The following TANGO6 variants were observed in gnomAD, a reference collection of about 807,000 sequenced individuals.
TANGO6 encodes transport and Golgi organization protein 6 homolog.
A neutral mutation model predicts 114.2 loss-of-function variants in TANGO6; 90 were observed. That is an observed-to-expected ratio of 0.79 (90% CI 0.66 to 0.94). The LOEUF is 0.94. TANGO6 is among the 40% of genes least tolerant of loss of function. TANGO6 has a pLI of 0.00. For missense variants in TANGO6, 1,274 were observed against 1,315.3 expected (o/e 0.97, Z 0.49); for synonymous variants, 477 against 509.8 (o/e 0.94, Z 0.87).
chr16:69,034,943 C>T (rs1455485624), intron 16 of TANGO6: 1 of 142,070 alleles, frequency 7.0e-6, no homozygotes, highest in Non-Finnish European at 1.5e-5. Flanking sequence ...ATAGATTCTT[C>T]ATCTTTATCA....
In TANGO6 at chr16:68,852,511, T is replaced by A. The variant is rs113664655; in HGVS notation, c.95-7373T>A. On this transcript the variant is annotated intron_variant, in intron 1 of 17. Transcript: ENST00000261778. ...TGATGTCCATATATATTTTCAAAAT[T>A]TTATTATGGTTTTCTAAACAAATAG... Among the ~76,000 whole-genome samples the A allele has an allele frequency of 3.4e-3, 511 of 152,228 alleles. 1 individual carries two copies. Among genetic ancestry groups the A allele is most frequent in the Non-Finnish European group, 4.8e-3 (328 of 68,022 alleles).
In TANGO6 at chr16:68,903,557, A is replaced by G. The variant is rs1343927378; in HGVS notation, c.1667+1053A>G. Among the ~76,000 whole-genome samples the G allele has an allele frequency of 2.0e-5, 3 of 149,446 alleles. No individual in the cohort carries two copies. In the Admixed American group the frequency reaches 2.0e-4, roughly 10 times the overall value. On this transcript the variant is annotated intron_variant, in intron 9 of 17. Coordinates refer to ENST00000261778, the MANE Select transcript of TANGO6 (RefSeq NM_024562.2). The stretch of plus-strand genomic sequence containing the variant: ...TTGCTTGAATCAGGAGGTGGAAGTT[A>G]CAGTGAGCTGGGATCGTACCACTGC...
chr16:68,984,173 A>G (rs1963870530), intron 15 of TANGO6, among the ~76,000 whole-genome samples: 2 of 152,136 alleles, frequency 1.3e-5, no homozygotes, highest in Non-Finnish European at 2.9e-5. Context: ...GGAGTTTAGC[A>G]TTCATGGATT....
rs544657003 is a variant in TANGO6 at position 69,014,780 on chromosome 16, A to G, written c.2843-8048A>G. On this transcript the variant is annotated intron_variant, in intron 15 of 17. Transcript: ENST00000261778. ...CATGGTGGTGTGCATCTATAGTCCC[A>G]CCCTACTCAGGAGGCTAAAGCAAGA... Among the ~76,000 whole-genome samples the G allele has an allele frequency of 6.0e-5, 9 of 151,038 alleles. 1 individual carries two copies. The South Asian group carries it at 1.9e-3, about 32-fold the overall frequency.
intron 12 of TANGO6, among the ~76,000 whole-genome samples, chr16:68,921,038 G>A (rs1963084148): frequency 6.7e-6 from 1 of 149,082 alleles, no homozygotes; most frequent in Non-Finnish European, 1.5e-5. Context: ...GGGAGGCGGA[G>A]GTTGCAGTGG....
intron 14 of TANGO6, among the ~76,000 whole-genome samples, chr16:68,965,919 T>C (rs1435518414): frequency 6.6e-6 from 1 of 152,090 alleles, no homozygotes; most frequent in Non-Finnish European, 1.5e-5. Flanking sequence ...TCACATACCA[T>C]ACCATTGATC....
At chr16:69,080,921 G>A (rs1167548190) in intron 17 of TANGO6, among the ~76,000 whole-genome samples, 1 of 152,136 alleles carries the variant, frequency 6.6e-6, no homozygotes, top group Non-Finnish European at 1.5e-5. Context: ...GGCAGATCAT[G>A]AGGTCAGGAG....
intron 14 of TANGO6, among the ~76,000 whole-genome samples, chr16:68,930,970 G>A (rs545110918): frequency 5.3e-5 from 8 of 152,188 alleles, no homozygotes; most frequent in South Asian, 4.1e-4. Flanking sequence ...TTGCTCTCTC[G>A]TTAAGCTAAA....
intron 10 of TANGO6, 102 bp from the exon 11 acceptor site, chr16:68,909,105 CTATT>C (rs1962889049): frequency 1.0e-6 from 1 of 974,436 alleles, no homozygotes; most frequent in African/African-American, 1.7e-5. Context: ...CAAACACAGA[CTATT>C]TATTTAAACA....
intron 7 of TANGO6, among the ~76,000 whole-genome samples, chr16:68,881,106 G>GA (rs1178230414): frequency 6.6e-6 from 1 of 152,142 alleles, no homozygotes; most frequent in Non-Finnish European, 1.5e-5. Context: ...CTTTTTAAGT[G>GA]AAAAAACTGA....
At chr16:68,862,446 C>T (rs1388697613) in intron 2 of TANGO6, among the ~76,000 whole-genome samples, 2 of 152,090 alleles carry the variant, frequency 1.3e-5, no homozygotes, top group African/African-American at 4.8e-5. Flanking sequence ...ATCCGCCCCC[C>T]TCGGCCTCCC....
In TANGO6 at chr16:68,860,374, G is replaced by A; in HGVS notation, c.585G>A (p.Leu195=). The A allele has an allele frequency of 6.2e-7, 1 of 1,614,004 alleles. No individual in the cohort carries two copies. Among genetic ancestry groups the A allele is most frequent in the Non-Finnish European group, 8.5e-7 (1 of 1,179,892 alleles). Residue 195 remains leucine (L), a synonymous_variant, in exon 2 of 18, where the codon CTG becomes CTA. Transcript: ENST00000261778. ...FDAAPDATRR[L]YTSCKALLNV... is the part of the protein sequence containing the mutation. ...CTGCCCCCGATGCAACTCGAAGACT[G>A]TACACCAGCTGCAAGGCCCTTCTGA...
intron 15 of TANGO6, 27 bp downstream of exon 15, chr16:68,974,195 G>A (rs1963738578): frequency 1.2e-6 from 2 of 1,613,562 alleles, no homozygotes; most frequent in East Asian, 2.2e-5. Flanking sequence ...CATCCACCTG[G>A]AAAAGGGTGG....
intron 14 of TANGO6, among the ~76,000 whole-genome samples, chr16:68,942,993 G>A (rs1963370763): frequency 6.7e-6 from 1 of 149,910 alleles, no homozygotes; most frequent in Admixed American, 6.7e-5. Flanking sequence ...TCCACCTCCT[G>A]GAGTTCAAGC....
At chr16:68,917,875 C>T (rs748668866) in intron 11 of TANGO6, among the ~76,000 whole-genome samples, 10 of 151,804 alleles carry the variant, frequency 6.6e-5, no homozygotes, top group Non-Finnish European at 1.0e-4. Flanking sequence ...ACCTCAGTCT[C>T]CTGAGTAGCT....
intron 12 of TANGO6, among the ~76,000 whole-genome samples, chr16:68,922,224 C>T (rs897303658): frequency 6.8e-6 from 1 of 148,024 alleles, no homozygotes; most frequent in Non-Finnish European, 1.5e-5. Flanking sequence ...CTGCTGACAA[C>T]AACAACAAAA....
At chr16:68,900,052 G>A (rs1215468154) in intron 7 of TANGO6, among the ~76,000 whole-genome samples, 1 of 152,142 alleles carries the variant, frequency 6.6e-6, no homozygotes, top group Non-Finnish European at 1.5e-5. Flanking sequence ...CCCTTTGGTA[G>A]TAATTACTTG....
At chr16:69,040,738 G>C (rs1182706480) in intron 17 of TANGO6, among the ~76,000 whole-genome samples, 1 of 152,128 alleles carries the variant, frequency 6.6e-6, no homozygotes, top group Non-Finnish European at 1.5e-5. Context: ...CCCTGCCTCT[G>C]CACCCTGAAC....
At chr16:68,865,634 A>G (rs190212455) in intron 3 of TANGO6, among the ~76,000 whole-genome samples, 3 of 152,214 alleles carry the variant, frequency 2.0e-5, no homozygotes, top group Admixed American at 1.3e-4. Flanking sequence ...AAAGAAATAC[A>G]AAAGAAATCC....
Sources: gnomAD v4.1 joint callset for allele counts (sites outside exome capture counted in the v4.1 genomes callset) on GRCh38, gnomAD v4.1.1 for gene constraint, MANE v1.5 for transcripts, NCBI Gene and HGNC (gene_info 2026-07-23, HGNC 2026-07-21) for gene names.